ACTN4: variants seen among roughly 807,000 people sequenced by gnomAD.
The protein encoded by ACTN4 is actinin alpha 4.
A neutral mutation model predicts 114.2 loss-of-function variants in ACTN4; 18 were observed. That is an observed-to-expected ratio of 0.16 (90% CI 0.11 to 0.23). ACTN4 has a LOEUF of 0.23. Ranked by LOEUF, ACTN4 falls within the 10% of genes least tolerant of loss-of-function variation. The probability of loss-of-function intolerance (pLI) is 1.00; values close to 1 mark genes in which losing one functional copy is unlikely to be tolerated. For missense variants in ACTN4, 722 were observed against 1,262.9 expected (o/e 0.57, Z 6.49); for synonymous variants, 515 against 506.3 (o/e 1.02, Z -0.23).
intron 1 of ACTN4, among the ~76,000 whole-genome samples, chr19:38,694,002 G>C (rs1968012895): frequency 6.6e-6 from 1 of 152,170 alleles, no homozygotes; most frequent in Non-Finnish European, 1.5e-5. Flanking sequence ...GGCTGCCCGT[G>C]TGCAGGGGCA....
chr19:38,706,025 G>A lies in ACTN4; in HGVS notation c.485-19G>A. ...GTTTATTTTTGAGCCAGTGCTCACTGTCTTTGTGTGTTTTGCAGAGACCTC... is the reference window on the plus strand; with the variant it reads ...GTTTATTTTTGAGCCAGTGCTCACTATCTTTGTGTGTTTTGCAGAGACCTC... On this transcript the variant is annotated intron_variant, in intron 4 of 20. Transcript: ENST00000252699. The A allele has an allele frequency of 2.5e-6, 4 of 1,613,678 alleles. No individual in the cohort carries two copies. The highest frequency in any genetic ancestry group is 3.4e-6 in the Non-Finnish European group (4 of 1,179,624).
At chr19:38,715,432 G>A (rs1220013729) in intron 9 of ACTN4, among the ~76,000 whole-genome samples, 1 of 152,182 alleles carries the variant, frequency 6.6e-6, no homozygotes. Context: ...GGGAGGCAGA[G>A]GTTGCAGTGA....
At chr19:38,651,455 A>G (rs536579371) in intron 1 of ACTN4, among the ~76,000 whole-genome samples, 1 of 152,276 alleles carries the variant, frequency 6.6e-6, no homozygotes, top group East Asian at 1.9e-4. Flanking sequence ...CCCAATTTCT[A>G]AAAGTGGCCT....
At chr19:38,728,445 T>TCCCCCCCCCCCCCCCCCC in intron 19 of ACTN4, 1 of 828,870 alleles carries the variant, frequency 1.2e-6, no homozygotes. Flanking sequence ...CTCCTCCTCC[T>TCCCCCCCCCCCCCCCCCC]CCTCCCCCCC....
Position 38,731,230 on chromosome 19 carries a change from G to A in ACTN4, c.*1798G>A, listed in dbSNP as rs1363731352. The A allele has an allele frequency of 6.2e-7, 1 of 1,611,026 alleles. No homozygotes were observed. The highest frequency in any genetic ancestry group is 1.1e-5 in the South Asian group (1 of 91,018). On this transcript the variant is annotated 3_prime_UTR_variant, in exon 21 of 21. Transcript: ENST00000252699. ...TGGTTGTTCAGGTGGAAGCCTAGGGGGAGGCTGCTTCTGAGCCCAGTGGCC... is the reference window on the plus strand; with the variant it reads ...TGGTTGTTCAGGTGGAAGCCTAGGGAGAGGCTGCTTCTGAGCCCAGTGGCC...
rs562042099 is a variant in ACTN4 at position 38,727,905 on chromosome 19, G to A, written c.2338-41G>A. 21 of 1,599,350 alleles carry A rather than the reference G, an allele frequency of 1.3e-5. No individual in the cohort carries two copies. Among genetic ancestry groups the A allele is most frequent in the Admixed American group, 6.7e-5 (4 of 59,378 alleles). ...CCCGATCCCTCATCCTGGTCTCCAC[G>A]CCGCCCCTCCCGCACACCTGCCTTC... On this transcript the variant is annotated intron_variant, in intron 18 of 20. Coordinates refer to ENST00000252699, the MANE Select transcript of ACTN4 (RefSeq NM_004924.6). The surrounding 1 kb of genome is among the most constrained non-coding windows in gnomAD (Gnocchi z 5.4).
intron 1 of ACTN4, among the ~76,000 whole-genome samples, chr19:38,697,106 AAGCCAG>A (rs72197564): frequency 0.056 from 8,534 of 152,332 alleles, 250 homozygotes; most frequent in South Asian, 0.096. Context: ...TGTGATGCCC[AAGCCAG>A]AGCTCTTGTT....
At chr19:38,683,025 C>T (rs572361039) in intron 1 of ACTN4, among the ~76,000 whole-genome samples, 1 of 152,306 alleles carries the variant, frequency 6.6e-6, no homozygotes, top group Non-Finnish European at 1.5e-5. Context: ...GCAGGGATGT[C>T]TGTTTAATCC....
chr19:38,711,158 C>A, intron 8 of ACTN4: 2 of 326,616 alleles, frequency 6.1e-6, no homozygotes, highest in Non-Finnish European at 8.8e-6. Context: ...CTGGGGCTGG[C>A]TTCCAGTCCA....
At chr19:38,675,220 T>G (rs1333424584) in intron 1 of ACTN4, among the ~76,000 whole-genome samples, 1 of 152,224 alleles carries the variant, frequency 6.6e-6, no homozygotes, top group Non-Finnish European at 1.5e-5. Context: ...AGCCGAAGAA[T>G]TAATCCTGGC....
rs3033329 is a variant in ACTN4 at position 38,653,085 on chromosome 19, C to CAAA, written c.162+5193_162+5195dup. On this transcript the variant is annotated intron_variant, in intron 1 of 20. Transcript: ENST00000252699. ...TGAGTGACAGAACAAGACTCCATCT[C>CAAA]AAAAAAAAAAAAAAAAATCAGATGA... Among the ~76,000 whole-genome samples, 1,046 of 125,124 alleles carry CAAA rather than the reference C, an allele frequency of 8.4e-3. 11 individuals carry two copies. The highest frequency in any genetic ancestry group is 9.2e-3 in the African/African-American group (288 of 31,314). The allele number at this position is 125,124 out of a possible 152,430, so 82.1% of individuals were successfully genotyped here.
At position 38,717,956 on chromosome 19, in the gene ACTN4, G is replaced by A. The variant is rs375645155; in HGVS notation, c.1173G>A (p.Glu391=). 2.3e-5 allele frequency: 37 copies of A among 1,606,498 alleles called. No individual in the cohort carries two copies. In the South Asian group the frequency reaches 3.8e-4, roughly 16 times the overall value. Residue 391 remains glutamate, a synonymous_variant, in exon 11 of 21, where the codon GAG becomes GAA. Transcript: ENST00000252699. The surrounding 1 kb of genome is among the most constrained non-coding windows in gnomAD (Gnocchi z 4.0). ...SDINNGWQHL[E]QAEKGYEEWL... ...TCAACAATGGCTGGCAGCACTTGGA[G>A]CAGGCTGAGAAGGGCTACGAGGAGT...
intron 1 of ACTN4, among the ~76,000 whole-genome samples, chr19:38,662,400 C>T (rs1161236746): frequency 6.6e-6 from 1 of 152,156 alleles, no homozygotes. Context: ...ACAAAAATCG[C>T]CCCGTGGGTA....
At chr19:38,648,279 G>C (rs1976448961) in intron 1 of ACTN4, 1 of 184,198 alleles carries the variant, frequency 5.4e-6, no homozygotes, top group Non-Finnish European at 1.1e-5. Context: ...ATGGGTTGGG[G>C]GTGCTGGGAG....
intron 7 of ACTN4, 113 bp downstream of exon 7, chr19:38,709,589 G>A: frequency 1.1e-6 from 1 of 895,028 alleles, no homozygotes; most frequent in Non-Finnish European, 1.8e-6. Flanking sequence ...TCACCTTGGG[G>A]AGCTGGCAGA....
At chr19:38,684,108 G>A (rs1365214797) in intron 1 of ACTN4, 6 of 152,458 alleles carry the variant, frequency 3.9e-5, no homozygotes, top group African/African-American at 7.2e-5. Context: ...ACAGCCCTGT[G>A]GCCATGGGTA....
intron 17 of ACTN4, 35 bp from the exon 18 acceptor site, chr19:38,726,922 A>C: frequency 6.2e-7 from 1 of 1,612,366 alleles, no homozygotes; most frequent in Non-Finnish European, 8.5e-7. Flanking sequence ...AGTTCACAGC[A>C]CCCGGCCCAC....
intron 1 of ACTN4, among the ~76,000 whole-genome samples, chr19:38,684,829 T>A (rs189829420): frequency 1.4e-4 from 22 of 152,286 alleles, no homozygotes; most frequent in African/African-American, 4.8e-4. Flanking sequence ...AAGACACTGC[T>A]AATGTTGTCT....
intron 1 of ACTN4, among the ~76,000 whole-genome samples, chr19:38,651,170 T>C (rs1791686598): frequency 6.6e-6 from 1 of 152,216 alleles, no homozygotes; most frequent in Admixed American, 6.5e-5. Context: ...CAAAAAAATA[T>C]GCATCCAGAA....
Sources: gnomAD v4.1 joint callset for allele counts (sites outside exome capture counted in the v4.1 genomes callset) on GRCh38, gnomAD v4.1.1 for gene constraint, Gnocchi (gnomAD v3.1) non-coding constraint, MANE v1.5 for transcripts, NCBI Gene and HGNC (gene_info 2026-07-23, HGNC 2026-07-21) for gene names.